The following SETX variants were observed in gnomAD, a reference collection of about 807,000 sequenced individuals.
SETX encodes senataxin.
SETX carries 90 observed loss-of-function variants against 227.2 expected under a neutral mutation model. That is an observed-to-expected ratio of 0.40 (90% CI 0.33 to 0.47). SETX has a LOEUF of 0.47. Among genes scored for constraint, SETX ranks in the 20% least tolerant of loss-of-function variants. SETX has a pLI of 0.91. For synonymous variants in SETX, 1,210 were observed against 1,113.2 expected, an observed-to-expected ratio of 1.09 and a Z score of -1.73; for missense variants, 3,052 against 3,181.5, an observed-to-expected ratio of 0.96 and a Z score of 0.98.
At chr9:132,307,812 G>A (rs1160830486) in intron 11 of SETX, among the ~76,000 whole-genome samples, 2 of 151,852 alleles carry the variant, frequency 1.3e-5, no homozygotes, top group South Asian at 2.1e-4. Flanking sequence ...CCTAGTAGCT[G>A]GGACTACAGG....
intron 3 of SETX, among the ~76,000 whole-genome samples, chr9:132,348,229 C>T (rs1298145177): frequency 2.6e-5 from 4 of 151,358 alleles, no homozygotes; most frequent in African/African-American, 9.7e-5. Flanking sequence ...TGTGGTGGCA[C>T]GTGCCTTTAG....
intron 22 of SETX, 69 bp downstream of exon 22, chr9:132,276,991 A>G: frequency 7.5e-7 from 1 of 1,331,584 alleles, no homozygotes; most frequent in Non-Finnish European, 1.1e-6. Flanking sequence ...TGTATTTAAC[A>G]GAAATATGAA....
intron 23 of SETX, among the ~76,000 whole-genome samples, chr9:132,274,521 A>T (rs1843060058): frequency 6.7e-6 from 1 of 149,004 alleles, no homozygotes; most frequent in Non-Finnish European, 1.5e-5. Context: ...AGCTCACTGC[A>T]GCCTCCGCCT....
intron 9 of SETX, 125 bp downstream of exon 9, chr9:132,330,927 T>C (rs1847184010): frequency 9.0e-6 from 7 of 778,112 alleles, no homozygotes; most frequent in South Asian, 7.2e-5. Context: ...GAGAAGGGCT[T>C]TTACATAGCA....
chr9:132,272,029 C>A (rs1195001260), intron 23 of SETX, among the ~76,000 whole-genome samples: 1 of 151,920 alleles, frequency 6.6e-6, no homozygotes, highest in Non-Finnish European at 1.5e-5. Flanking sequence ...ACTACAGGTG[C>A]CCGCCACCAT....
chr9:132,271,196 A>G (rs1407547855), intron 24 of SETX, among the ~76,000 whole-genome samples: 1 of 152,262 alleles, frequency 6.6e-6, no homozygotes, highest in African/African-American at 2.4e-5. Flanking sequence ...ATGCCTCTGC[A>G]AAGTATAATC....
Position 132,327,420 on chromosome 9 carries a change from C to T in SETX, c.4178G>A (p.Arg1393Lys). ...NSDIFVPESD[R>K]SDYNCTGGTE... is the part of the protein sequence containing the mutation. ...TCCTCCTGTACAATTATAATCTGAC[C>T]TATCAGATTCTGGTACAAATATGTC... Residue 1393 changes from arginine to lysine, a missense_variant, in exon 10 of 26, where the codon AGG (arginine) becomes AAG (lysine). Physicochemically the swap from Arg to Lys is conservative, Grantham distance 26 (BLOSUM62 2). This residue lies in a region of SETX where 1,483 missense variants were observed against 1,312.0 expected (regional missense o/e 1.13). Transcript: ENST00000224140. 1 of 1,613,876 alleles carries T rather than the reference C, an allele frequency of 6.2e-7. No individual in the cohort carries two copies. Among genetic ancestry groups the T allele is most frequent in the Non-Finnish European group, 8.5e-7 (1 of 1,179,804 alleles).
intron 10 of SETX, among the ~76,000 whole-genome samples, chr9:132,314,603 T>C (rs142029295): frequency 2.6e-5 from 4 of 152,258 alleles, no homozygotes; most frequent in African/African-American, 7.2e-5. Flanking sequence ...GCAAACTATG[T>C]TCCTTTTCTT....
At chr9:132,332,750 G>C (rs10793922) in intron 7 of SETX, among the ~76,000 whole-genome samples, 8,076 of 151,812 alleles carry the variant, frequency 0.053, 344 homozygotes, top group East Asian at 0.25. Context: ...GTGAGACTTT[G>C]TCTCTAGCAA....
At chr9:132,281,195 C>G (rs1446731253) in intron 20 of SETX, among the ~76,000 whole-genome samples, 3 of 152,144 alleles carry the variant, frequency 2.0e-5, no homozygotes, top group Non-Finnish European at 2.9e-5. Context: ...ACTGCCTTTC[C>G]CAAAGCTTGG....
At chr9:132,310,619 C>T (rs1369259763) in intron 11 of SETX, among the ~76,000 whole-genome samples, 1 of 152,166 alleles carries the variant, frequency 6.6e-6, no homozygotes, top group African/African-American at 2.4e-5. Context: ...GTTACTAAAC[C>T]ATGTGTGAAA....
At chr9:132,352,638 C>G (rs1267791149) in intron 2 of SETX, among the ~76,000 whole-genome samples, 3 of 152,152 alleles carry the variant, frequency 2.0e-5, no homozygotes, top group Non-Finnish European at 4.4e-5. Flanking sequence ...GTAGTCGCAG[C>G]TACTGGGGAG....
chr9:132,335,931 C>T (rs1016778365), intron 6 of SETX, among the ~76,000 whole-genome samples: 5 of 152,132 alleles, frequency 3.3e-5, no homozygotes, highest in East Asian at 3.9e-4. Flanking sequence ...GAGAACACTT[C>T]CCTTTTAGGA....
chr9:132,291,159 C>CTTTTTTTTTTTTTT (rs139976052), intron 15 of SETX, among the ~76,000 whole-genome samples: 1 of 83,822 alleles, frequency 1.2e-5, no homozygotes. Flanking sequence ...GTTTGAAAAC[C>CTTTTTTTTTTTTTT]TTTTTTTTTT....
At chr9:132,293,002 A>C (rs1844433904) in intron 15 of SETX, among the ~76,000 whole-genome samples, 1 of 152,220 alleles carries the variant, frequency 6.6e-6, no homozygotes, top group Non-Finnish European at 1.5e-5. Context: ...TGTAACAAAA[A>C]TTACAGGCTG....
intron 11 of SETX, among the ~76,000 whole-genome samples, chr9:132,303,151 G>A (rs969913804): frequency 6.6e-6 from 1 of 151,862 alleles, no homozygotes; most frequent in Non-Finnish European, 1.5e-5. Context: ...CCATGTCACT[G>A]GGACTCTAGG....
intron 23 of SETX, among the ~76,000 whole-genome samples, chr9:132,274,682 G>C (rs1843070177): frequency 6.6e-6 from 1 of 152,014 alleles, no homozygotes; most frequent in African/African-American, 2.4e-5. Flanking sequence ...CTGACCTCAG[G>C]TGATCTGCCC....
At chr9:132,355,714 C>T (rs950661132), upstream of SETX, among the ~76,000 whole-genome samples, 4 of 152,142 alleles carry the variant, frequency 2.6e-5, no homozygotes, top group African/African-American at 9.7e-5. Flanking sequence ...AGGCCGGGCG[C>T]GGTGGCTCAC....
intron 18 of SETX, among the ~76,000 whole-genome samples, chr9:132,284,991 G>A (rs1393192158): frequency 6.6e-6 from 1 of 151,664 alleles, no homozygotes; most frequent in Non-Finnish European, 1.5e-5. Flanking sequence ...CCATTCTCCT[G>A]CCTCAGGCTC....
Sources: gnomAD v4.1 joint callset for allele counts (sites outside exome capture counted in the v4.1 genomes callset) on GRCh38, gnomAD v4.1.1 for gene constraint, gnomAD v4.1.1 regional missense constraint, MANE v1.5 for transcripts, NCBI Gene and HGNC (gene_info 2026-07-23, HGNC 2026-07-21) for gene names.